The following ELAPOR2 variants were observed in gnomAD, a reference collection of about 807,000 sequenced individuals.
ELAPOR2 encodes the protein endosome-lysosome associated apoptosis and autophagy regulator family member 2, also known as endosome/lysosome-associated apoptosis and autophagy regulator family member 2.
A neutral mutation model predicts 120.7 loss-of-function variants in ELAPOR2; 89 were observed. The ratio of observed to expected loss-of-function variants is 0.74; its 90% CI spans 0.62 to 0.88. The LOEUF (loss-of-function observed/expected upper bound fraction) is 0.88. ELAPOR2 is among the 40% of genes least tolerant of loss of function. The pLI, the probability that ELAPOR2 is intolerant of heterozygous loss-of-function variation, is 0.00. For missense variants in ELAPOR2, 1,134 were observed against 1,251.6 expected, an observed-to-expected ratio of 0.91 and a Z score of 1.42; for synonymous variants, 444 against 444.9, an observed-to-expected ratio of 1.00 and a Z score of 0.03.
Position 86,938,756 on chromosome 7 carries a change from C to T in ELAPOR2, c.1000+52G>A, listed in dbSNP as rs550150394. Reference sequence around the variant, plus strand: ...GTGACTTCTGGTTTATAAATGTACACTTGACCAACATACATTTAGAAAGAA... The same window carrying T: ...GTGACTTCTGGTTTATAAATGTACATTTGACCAACATACATTTAGAAAGAA... On this transcript the variant is annotated intron_variant, in intron 7 of 21. Coordinates refer to ENST00000450689, the MANE Select transcript of ELAPOR2 (RefSeq NM_001142749.3). 1.1e-5 allele frequency: 18 copies of T among 1,586,924 alleles called. No individual in the cohort carries two copies. The African/African-American group carries it at 1.6e-4, about 14-fold the overall frequency.
intron 8 of ELAPOR2, among the ~76,000 whole-genome samples, chr7:86,936,114 G>A (rs1344317895): frequency 6.6e-6 from 1 of 152,018 alleles, no homozygotes; most frequent in African/African-American, 2.4e-5. Flanking sequence ...TAACAGGACA[G>A]AGAGAACCAA....
chr7:87,050,237 G>A (rs967038731), intron 1 of ELAPOR2, among the ~76,000 whole-genome samples: 2 of 152,124 alleles, frequency 1.3e-5, no homozygotes, highest in Non-Finnish European at 2.9e-5. Context: ...ATATAGTTTG[G>A]ATATTTGTCA....
intron 1 of ELAPOR2, among the ~76,000 whole-genome samples, chr7:87,056,599 C>G (rs964132949): frequency 6.6e-6 from 1 of 152,202 alleles, no homozygotes; most frequent in African/African-American, 2.4e-5. Flanking sequence ...ACTTTTCTCC[C>G]CCTTTCGACT....
intron 1 of ELAPOR2, among the ~76,000 whole-genome samples, chr7:87,041,908 T>C (rs965737967): frequency 6.6e-6 from 1 of 151,652 alleles, no homozygotes; most frequent in African/African-American, 2.4e-5. Flanking sequence ...AATAAAAGGA[T>C]GGAGGAAGAT....
At chr7:86,975,244 G>T (rs969565025) in intron 1 of ELAPOR2, among the ~76,000 whole-genome samples, 2 of 152,130 alleles carry the variant, frequency 1.3e-5, no homozygotes, top group African/African-American at 4.8e-5. Context: ...GCTGATTCTT[G>T]CCAATGCTGC....
At chr7:87,040,425 A>C (rs1409793681) in intron 1 of ELAPOR2, among the ~76,000 whole-genome samples, 1 of 152,220 alleles carries the variant, frequency 6.6e-6, no homozygotes, top group Non-Finnish European at 1.5e-5. Flanking sequence ...TGGAGATCTG[A>C]GAATGGGCAG....
intron 1 of ELAPOR2, among the ~76,000 whole-genome samples, chr7:87,012,559 C>T (rs1323776442): frequency 6.6e-6 from 1 of 152,136 alleles, no homozygotes; most frequent in African/African-American, 2.4e-5. Flanking sequence ...GCATTTAGGA[C>T]AGGCATTACA....
intron 2 of ELAPOR2, among the ~76,000 whole-genome samples, chr7:86,959,258 A>C (rs1436091355): frequency 6.6e-6 from 1 of 152,206 alleles, no homozygotes; most frequent in Non-Finnish European, 1.5e-5. Context: ...AGATCATGTC[A>C]TCTGCAAACG....
At position 86,957,923 on chromosome 7, in the gene ELAPOR2, G is replaced by T. The variant is rs564237466; in HGVS notation, c.310+6981C>A. Among the ~76,000 whole-genome samples the T allele has an allele frequency of 2.0e-4, 30 of 152,170 alleles. No individual in the cohort carries two copies. The South Asian group carries it at 3.7e-3, about 19-fold the overall frequency. The stretch of plus-strand genomic sequence containing the variant: ...AAAATGAGAATACAATCTATAAAGA[G>T]AACATTAATCAATTAAAAATGACCC... On this transcript the variant is annotated intron_variant, in intron 2 of 21. Transcript: ENST00000450689.
intron 1 of ELAPOR2, among the ~76,000 whole-genome samples, chr7:86,996,387 CCGGCAGAGGGGGCAGCCA>C: frequency 6.6e-6 from 1 of 151,956 alleles, no homozygotes; most frequent in Non-Finnish European, 1.5e-5. Flanking sequence ...AAGAGCATTC[CCGGCAGAGGGGGCAGCCA>C]CTGCAAAAGC....
chr7:86,892,383 G>T (rs575231091), intron 20 of ELAPOR2, among the ~76,000 whole-genome samples: 6 of 151,994 alleles, frequency 3.9e-5, no homozygotes, highest in South Asian at 4.1e-4. Flanking sequence ...GTCCCACTGA[G>T]GTGTAAATCA....
chr7:87,014,231 G>A (rs1189409368), intron 1 of ELAPOR2, among the ~76,000 whole-genome samples: 4 of 151,922 alleles, frequency 2.6e-5, no homozygotes, highest in Admixed American at 6.6e-5. Context: ...CTCTTAAAAT[G>A]GAAACACATG....
intron 18 of ELAPOR2, among the ~76,000 whole-genome samples, chr7:86,902,991 A>C (rs1022002171): frequency 2.0e-5 from 3 of 152,176 alleles, no homozygotes; most frequent in African/African-American, 7.2e-5. Context: ...CCAGGTTTAC[A>C]AAATTCTATC....
intron 1 of ELAPOR2, among the ~76,000 whole-genome samples, chr7:87,015,022 G>A (rs896948972): frequency 4.6e-5 from 7 of 151,254 alleles, no homozygotes; most frequent in East Asian, 1.9e-4. Context: ...GAAGTGGTGC[G>A]CTGCAGGAAA....
intron 9 of ELAPOR2, 80 bp from the exon 10 acceptor site, chr7:86,925,736 A>G (rs960579764): frequency 1.6e-6 from 2 of 1,246,894 alleles, no homozygotes; most frequent in Admixed American, 1.8e-5. Context: ...CAAACACACT[A>G]CATTACAATT....
intron 12 of ELAPOR2, 120 bp downstream of exon 12, chr7:86,918,322 G>GCAAAAAAAA (rs1789661044): frequency 2.4e-6 from 1 of 424,292 alleles, no homozygotes. Context: ...GCTAAGAATA[G>GCAAAAAAAA]CAAAAAAAAA....
At chr7:87,043,007 C>T (rs1794834199) in intron 1 of ELAPOR2, among the ~76,000 whole-genome samples, 1 of 152,174 alleles carries the variant, frequency 6.6e-6, no homozygotes, top group Admixed American at 6.5e-5. Context: ...ACTAGAAAAT[C>T]TAGAAGAAAT....
Position 86,945,057 on chromosome 7 carries a change from A to C in ELAPOR2, c.507-11T>G, listed in dbSNP as rs1790945908. ...GGGATCCAAGAAGAGCTGTGGAAAC[A>C]AAACCAAGAAGCACTTTACATTAAT... is the stretch of plus-strand genomic sequence containing the variant. On this transcript the variant is annotated splice_polypyrimidine_tract_variant and intron_variant, in intron 3 of 21. Coordinates refer to ENST00000450689, the MANE Select transcript of ELAPOR2 (RefSeq NM_001142749.3). 2 of 1,546,410 alleles carry C rather than the reference A, an allele frequency of 1.3e-6. No individual in the cohort carries two copies. Among genetic ancestry groups the C allele is most frequent in the Non-Finnish European group, 1.7e-6 (2 of 1,145,512 alleles).
In ELAPOR2 at chr7:86,926,918, T is replaced by TATA; in HGVS notation, c.1090-3_1090-2insTAT. On this transcript the variant is annotated splice_polypyrimidine_tract_variant and splice_region_variant and intron_variant, in intron 8 of 21. Transcript: ENST00000450689. ...TATCCACTTGTACATTATCTGTGTC[T>TATA]ACAAAAAAAAAAAAAAAAAAAAAGC... The TATA allele has an allele frequency of 1.6e-6, 1 of 624,368 alleles. No homozygotes were observed. Among genetic ancestry groups the TATA allele is most frequent in the South Asian group, 6.1e-5 (1 of 16,476 alleles). 38.7% of individuals were successfully genotyped at this position (624,368 alleles called of 1,614,324 possible).
Sources: gnomAD v4.1 joint callset for allele counts (sites outside exome capture counted in the v4.1 genomes callset) on GRCh38, gnomAD v4.1.1 for gene constraint, MANE v1.5 for transcripts, NCBI Gene and HGNC (gene_info 2026-07-23, HGNC 2026-07-21) for gene names.